SGCZ: variants seen among roughly 807,000 people sequenced by gnomAD.
The protein encoded by SGCZ is sarcoglycan zeta.
Under a neutral mutation model 41.3 loss-of-function variants are expected in SGCZ, and 40 were observed. The observed-to-expected ratio is 0.97, with a 90% CI of 0.75 to 1.26. The LOEUF is 1.26. Among genes scored for constraint, SGCZ ranks in the 50% most tolerant of loss-of-function variants. SGCZ has a pLI of 0.00. For missense variants in SGCZ, 552 were observed against 369.8 expected, an observed-to-expected ratio of 1.49 and a Z score of -4.04; for synonymous variants, 206 against 137.5, an observed-to-expected ratio of 1.50 and a Z score of -3.49.
chr8:14,971,645 C>CT (rs11456903), intron 1 of SGCZ, among the ~76,000 whole-genome samples: 12,757 of 114,618 alleles, frequency 0.11, 1,419 homozygotes, highest in African/African-American at 0.27. Flanking sequence ...ATTTTATATA[C>CT]TTTTTTTTTT....
intron 2 of SGCZ, among the ~76,000 whole-genome samples, chr8:14,414,723 C>G (rs1246654418): frequency 2.0e-5 from 3 of 151,870 alleles, no homozygotes; most frequent in Admixed American, 1.3e-4. Flanking sequence ...CATGTGATAC[C>G]TTAAGGCTCT....
intron 1 of SGCZ, among the ~76,000 whole-genome samples, chr8:14,774,549 T>C (rs766095216): frequency 1.3e-5 from 2 of 152,200 alleles, no homozygotes; most frequent in Non-Finnish European, 2.9e-5. Context: ...TGGAAATCAG[T>C]CTTTATCAAT....
chr8:14,935,104 A>C (rs901668658), intron 1 of SGCZ, among the ~76,000 whole-genome samples: 4 of 151,694 alleles, frequency 2.6e-5, no homozygotes, highest in African/African-American at 4.8e-5. Flanking sequence ...TGAAAATAAA[A>C]CACAAAAAGT....
chr8:14,816,286 G>A (rs1234546266), intron 1 of SGCZ, among the ~76,000 whole-genome samples: 1 of 152,152 alleles, frequency 6.6e-6, no homozygotes, highest in Non-Finnish European at 1.5e-5. Flanking sequence ...ATTTCTGCCT[G>A]TTCTATGCTC....
At chr8:14,921,304 T>C (rs572979070) in intron 1 of SGCZ, among the ~76,000 whole-genome samples, 4 of 152,232 alleles carry the variant, frequency 2.6e-5, no homozygotes, top group Admixed American at 1.3e-4. Context: ...CTGATTAGTA[T>C]AGTGGTTAGA....
intron 1 of SGCZ, among the ~76,000 whole-genome samples, chr8:15,034,421 G>A (rs1378254555): frequency 6.6e-6 from 1 of 151,800 alleles, no homozygotes; most frequent in Admixed American, 6.6e-5. Context: ...AAGAAAACAG[G>A]AAAAAGAATA....
At chr8:14,917,494 A>T (rs1401816412) in intron 1 of SGCZ, among the ~76,000 whole-genome samples, 1 of 152,130 alleles carries the variant, frequency 6.6e-6, no homozygotes, top group Non-Finnish European at 1.5e-5. Context: ...ATTCCTAGTA[A>T]TATAACACTG....
intron 4 of SGCZ, among the ~76,000 whole-genome samples, chr8:14,212,319 G>T (rs10105439): frequency 6.6e-6 from 1 of 151,926 alleles, no homozygotes; most frequent in African/African-American, 2.4e-5. Flanking sequence ...CTATGGCCAC[G>T]GCATCTCCAA....
intron 1 of SGCZ, among the ~76,000 whole-genome samples, chr8:14,827,265 C>G (rs1207966057): frequency 7.9e-6 from 1 of 126,494 alleles, no homozygotes; most frequent in African/African-American, 3.0e-5. Context: ...GAGACAAAGT[C>G]TCACTCTGTC....
rs1798997422 is a variant in SGCZ, at chr8:14,244,195, CTTCCTTCTTCCTCCTCTT to C, written c.337-6534_337-6517del. On this transcript the variant is annotated intron_variant, in intron 3 of 7. Coordinates refer to ENST00000382080, the MANE Select transcript of SGCZ (RefSeq NM_139167.4). ...CCTCCTCTTCCTTCTTCCTCCTCCT[CTTCCTTCTTCCTCCTCTT>C]CCTTCTTCCTCCTCCTTCTCTTCCT... 2.0e-5 allele frequency among the ~76,000 whole-genome samples: 3 copies of C among 149,144 alleles called. No individual in the cohort carries two copies. The East Asian group carries it at 5.9e-4, about 29-fold the overall frequency.
chr8:15,013,119 C>T (rs962386611), intron 1 of SGCZ, among the ~76,000 whole-genome samples: 7 of 152,116 alleles, frequency 4.6e-5, no homozygotes, highest in African/African-American at 1.7e-4. Flanking sequence ...GCATGCATCA[C>T]AGGGTGACTC....
intron 1 of SGCZ, among the ~76,000 whole-genome samples, chr8:15,228,307 C>CT (rs1241932341): frequency 6.6e-6 from 1 of 152,096 alleles, no homozygotes; most frequent in Non-Finnish European, 1.5e-5. Context: ...ACTGTAATTA[C>CT]TAAATGTTCA....
At chr8:14,825,023 T>A (rs1563295695) in intron 1 of SGCZ, among the ~76,000 whole-genome samples, 1 of 152,136 alleles carries the variant, frequency 6.6e-6, no homozygotes, top group Non-Finnish European at 1.5e-5. Flanking sequence ...AAATACTGTT[T>A]CCCACACTAT....
chr8:14,373,327 T>C (rs1486537809), intron 2 of SGCZ, among the ~76,000 whole-genome samples: 1 of 152,188 alleles, frequency 6.6e-6, no homozygotes, highest in African/African-American at 2.4e-5. Context: ...ATCTGAAATA[T>C]GGATATGATC....
At chr8:14,800,946 CAT>C (rs545712206) in intron 1 of SGCZ, among the ~76,000 whole-genome samples, 15 of 152,260 alleles carry the variant, frequency 9.9e-5, no homozygotes, top group African/African-American at 3.1e-4. Flanking sequence ...ATCTTCTGCA[CAT>C]GTTAGTATTT....
chr8:14,675,092 C>A, intron 1 of SGCZ, among the ~76,000 whole-genome samples: 1 of 151,486 alleles, frequency 6.6e-6, no homozygotes. Flanking sequence ...GCACCCGCCA[C>A]CACGCCTGGC....
At chr8:14,419,267 G>C (rs1381631175) in intron 2 of SGCZ, among the ~76,000 whole-genome samples, 1 of 151,780 alleles carries the variant, frequency 6.6e-6, no homozygotes, top group Non-Finnish European at 1.5e-5. Context: ...TATTAGACCA[G>C]AAAAAAATGT....
At chr8:14,219,487 G>A (rs901273716) in intron 4 of SGCZ, among the ~76,000 whole-genome samples, 4 of 152,200 alleles carry the variant, frequency 2.6e-5, no homozygotes, top group Non-Finnish European at 5.9e-5. Flanking sequence ...AGTGGCTCAC[G>A]CCTGTAATTC....
chr8:14,474,545 A>G (rs1218286250), intron 2 of SGCZ, among the ~76,000 whole-genome samples: 1 of 152,206 alleles, frequency 6.6e-6, no homozygotes, highest in Admixed American at 6.5e-5. Flanking sequence ...TTTACTTTGT[A>G]GAGCGCTCCA....
Sources: gnomAD v4.1 joint callset for allele counts (sites outside exome capture counted in the v4.1 genomes callset) on GRCh38, gnomAD v4.1.1 for gene constraint, MANE v1.5 for transcripts, NCBI Gene and HGNC (gene_info 2026-07-23, HGNC 2026-07-21) for gene names.